Variants in FLCN observed in about 807,000 individuals in gnomAD.
FLCN encodes folliculin, also known as BHD skin lesion fibrofolliculoma protein.
Under a neutral mutation model 62.5 loss-of-function variants are expected in FLCN, and 22 were observed. The ratio of observed to expected loss-of-function variants is 0.35; its 90% CI spans 0.25 to 0.50. FLCN has a LOEUF of 0.50. Among genes scored for constraint, FLCN ranks in the 20% least tolerant of loss-of-function variants. FLCN has a pLI of 0.97. For missense variants in FLCN, 657 were observed against 778.0 expected (o/e 0.84, Z 1.85); for synonymous variants, 319 against 310.0 (o/e 1.03, Z -0.30).
rs1377506039 is a variant in FLCN, at chr17:17,236,892, C to T, written c.-228+20G>A. The T allele has an allele frequency of 6.6e-6, 1 of 152,252 alleles. No homozygotes were observed. The highest frequency in any genetic ancestry group is 6.5e-5 in the Admixed American group (1 of 15,284). The allele number at this position is 152,252 out of a possible 1,614,324, so 9.4% of individuals were successfully genotyped here. ...AAACTCGGACATGCCCCTCCGCCAA[C>T]CCCTCAGACCCCCGCCTACCTGCTC... On this transcript the variant is annotated intron_variant, in intron 1 of 13. Transcript: ENST00000285071.
At chr17:17,235,592 G>A (rs774376526) in intron 1 of FLCN, 1 of 152,258 alleles carries the variant, frequency 6.6e-6, no homozygotes, top group Non-Finnish European at 1.5e-5. Context: ...TAGCTTTGCG[G>A]TCACCGGAGC....
intron 4 of FLCN, 98 bp downstream of exon 4, chr17:17,227,791 G>A: frequency 6.5e-7 from 1 of 1,548,088 alleles, no homozygotes; most frequent in Non-Finnish European, 8.9e-7. Context: ...GAAGCAGTCT[G>A]TGTCACCCCG....
Position 17,226,294 on chromosome 17 carries a change from G to C in FLCN, c.278C>G (p.Pro93Arg). The change falls in exon 5 of 14, where the codon CCG (proline) becomes CGG (arginine). Residue 93 changes from proline to arginine, a missense_variant. By Grantham distance (103) the Pro-to-Arg change is moderately radical. Coordinates refer to ENST00000285071, the MANE Select transcript of FLCN (RefSeq NM_144997.7). ...CTCTTTATCATGGCTGATATATCCCGGGTGCCCTGCAGCAAGTGACCGGCA... is the reference window on the plus strand; with the variant it reads ...CTCTTTATCATGGCTGATATATCCCCGGTGCCCTGCAGCAAGTGACCGGCA... The part of the protein sequence containing the change: ...EGCRSLAAGH[P>R]GYISHDKETS... 6.2e-7 allele frequency: 1 copy of C among 1,614,158 alleles called. No homozygotes were observed. The highest frequency in any genetic ancestry group is 8.5e-7 in the Non-Finnish European group (1 of 1,180,040).
intron 1 of FLCN, among the ~76,000 whole-genome samples, chr17:17,236,642 G>A (rs531266101): frequency 1.2e-4 from 19 of 152,264 alleles, no homozygotes; most frequent in African/African-American, 4.3e-4. Flanking sequence ...GGGAGAAGAG[G>A]ATGACACACA....
Position 17,235,072 on chromosome 17 carries a change from T to C in FLCN, c.-228+1840A>G, listed in dbSNP as rs573119859. ...GCTTGCAGTGAGCTGATCGCACCAC[T>C]GCACTCCAGCCTGGGCCACAGAGCA... On this transcript the variant is annotated intron_variant, in intron 1 of 13. Coordinates refer to ENST00000285071, the MANE Select transcript of FLCN (RefSeq NM_144997.7). Among the ~76,000 whole-genome samples the C allele has an allele frequency of 4.3e-5, 6 of 138,436 alleles. No homozygotes were observed. The Admixed American group carries it at 4.8e-4, about 11-fold the overall frequency. 90.8% of individuals were successfully genotyped at this position (138,436 alleles called of 152,430 possible). A position where few individuals can be genotyped will look rare whatever the true frequency, so the allele number is the denominator to read the frequency against.
intron 13 of FLCN, 40 bp downstream of exon 13, chr17:17,214,933 AGGTTTTCTCCAG>A: frequency 6.3e-7 from 1 of 1,578,628 alleles, no homozygotes; most frequent in Non-Finnish European, 8.7e-7. Context: ...AAACAGCTCC[AGGTTTTCTCCAG>A]GGTCGCAAGC....
rs1597574133 is a variant in FLCN, at chr17:17,213,781, G to A, written c.1614C>T (p.Ile538=). The change falls in exon 14 of 14, where the codon ATC becomes ATT. Residue 538 remains isoleucine, a synonymous_variant. Transcript: ENST00000285071. ...CATTGTCCTCCTCGGACGCACCCAG[G>A]ATGCTCAGCAGCTTCTGTGTGTCCT... ...PKEDTQKLLS[I]LGASEEDNVK... 4.3e-6 allele frequency: 7 copies of A among 1,614,246 alleles called. No homozygotes were observed. Among genetic ancestry groups the A allele is most frequent in the Non-Finnish European group, 5.9e-6 (7 of 1,180,050 alleles).
At position 17,216,887 on chromosome 17, in the gene FLCN, T is replaced by A; in HGVS notation, c.1176+182A>T. The A allele has an allele frequency of 1.5e-6, 1 of 663,814 alleles. No individual in the cohort carries two copies. The highest frequency in any genetic ancestry group is 2.7e-6 in the Non-Finnish European group (1 of 365,748). The allele number at this position is 663,814 out of a possible 1,614,324, so 41.1% of individuals were successfully genotyped here. ...CAGTCAGCAGGCACACGCATCCTTC[T>A]GATGATTTAAACATCATCAGACCAG... On this transcript the variant is annotated intron_variant, in intron 10 of 13. Coordinates refer to ENST00000285071, the MANE Select transcript of FLCN (RefSeq NM_144997.7). The surrounding 1 kb of genome is among the most constrained non-coding windows in gnomAD (Gnocchi z 4.0).
chr17:17,224,286 G>A, intron 5 of FLCN, 143 bp from the exon 6 acceptor site: 1 of 756,720 alleles, frequency 1.3e-6, no homozygotes, highest in Non-Finnish European at 2.3e-6. Context: ...GGGGCCATGA[G>A]AGCCGAAGAC....
chr17:17,223,470 T>A (rs921279705), intron 6 of FLCN, among the ~76,000 whole-genome samples: 1 of 152,230 alleles, frequency 6.6e-6, no homozygotes, highest in South Asian at 2.1e-4. Context: ...TCTCCTGCAA[T>A]GCACACACCA....
intron 13 of FLCN, 83 bp downstream of exon 13, chr17:17,214,902 A>G (rs908758897): frequency 4.9e-6 from 7 of 1,442,144 alleles, no homozygotes; most frequent in Non-Finnish European, 6.8e-6. Flanking sequence ...CTCAGTGGCC[A>G]CGGCCCAGCT....
intron 1 of FLCN, among the ~76,000 whole-genome samples, chr17:17,235,109 CAA>C (rs34695824): frequency 9.6e-4 from 68 of 70,592 alleles, no homozygotes; most frequent in Middle Eastern, 0.01. Flanking sequence ...GACTCCATTT[CAA>C]AAAAAAAAAA....
At chr17:17,228,535 GGTCCT>G in intron 3 of FLCN, 6 of 278,194 alleles carry the variant, frequency 2.2e-5, no homozygotes, top group South Asian at 8.4e-5. Flanking sequence ...ACAGGGAGAG[GGTCCT>G]CCACCCAATA....
intron 3 of FLCN, 109 bp from the exon 4 acceptor site, chr17:17,228,270 C>T: frequency 7.3e-7 from 1 of 1,367,536 alleles, no homozygotes; most frequent in Non-Finnish European, 9.8e-7. Flanking sequence ...ACTTCCTGCC[C>T]AGGAGAGGCC....
At position 17,226,325 on chromosome 17, in the gene FLCN, G is replaced by C. The variant is rs2145014986; in HGVS notation, c.250-3C>G. ...CCTGCAGCAAGTGACCGGCAGCCCTGTCCATGAAAAGGAAAAGTAAATCTG... is the reference window on the plus strand; with the variant it reads ...CCTGCAGCAAGTGACCGGCAGCCCTCTCCATGAAAAGGAAAAGTAAATCTG... On this transcript the variant is annotated splice_polypyrimidine_tract_variant and splice_region_variant and intron_variant, in intron 4 of 13. Transcript: ENST00000285071. The C allele has an allele frequency of 1.2e-6, 2 of 1,614,194 alleles. No individual in the cohort carries two copies. The highest frequency in any genetic ancestry group is 1.7e-6 in the Non-Finnish European group (2 of 1,180,042).
intron 3 of FLCN, chr17:17,228,841 T>C (rs1276192215): frequency 2.6e-5 from 4 of 152,766 alleles, no homozygotes; most frequent in East Asian, 1.9e-4. Flanking sequence ...GCAGATCTTA[T>C]AGCTCCTCCA....
intron 5 of FLCN, 122 bp from the exon 6 acceptor site, chr17:17,224,265 G>C: frequency 1.2e-6 from 1 of 866,428 alleles, no homozygotes; most frequent in Non-Finnish European, 1.9e-6. Flanking sequence ...AACGGGGAGA[G>C]TGGCACAGTG....
At position 17,216,211 on chromosome 17, in the gene FLCN, C is replaced by T. The variant is rs1275537541; in HGVS notation, c.1300+169G>A. ...CTTCCCATCAGGTCCACTCACCCACCGCTACCTGTGTGAAGATAGAACACG... is the reference window on the plus strand; with the variant it reads ...CTTCCCATCAGGTCCACTCACCCACTGCTACCTGTGTGAAGATAGAACACG... On this transcript the variant is annotated intron_variant, in intron 11 of 13. Transcript: ENST00000285071. This position sits in a 1 kb window ranked among gnomAD's most constrained non-coding sequence, Gnocchi z 4.0. Among the ~76,000 whole-genome samples the T allele has an allele frequency of 3.9e-5, 6 of 152,206 alleles. No homozygotes were observed. The highest frequency in any genetic ancestry group is 5.9e-5 in the Non-Finnish European group (4 of 68,038).
At position 17,216,890 on chromosome 17, in the gene FLCN, T is replaced by C. The variant is rs7208065; in HGVS notation, c.1176+179A>G. On this transcript the variant is annotated intron_variant, in intron 10 of 13. Transcript: ENST00000285071. The surrounding 1 kb of genome is among the most constrained non-coding windows in gnomAD (Gnocchi z 4.0). ...TCAGCAGGCACACGCATCCTTCTGA[T>C]GATTTAAACATCATCAGACCAGACC... The C allele has an allele frequency of 0.54, 356,731 of 662,790 alleles. 98,391 individuals carry two copies. The highest frequency in any genetic ancestry group is 0.65 in the East Asian group (23,863 of 36,612). 41.1% of individuals were successfully genotyped at this position (662,790 alleles called of 1,614,324 possible).
Sources: gnomAD v4.1 joint callset for allele counts (sites outside exome capture counted in the v4.1 genomes callset) on GRCh38, gnomAD v4.1.1 for gene constraint, Gnocchi (gnomAD v3.1) non-coding constraint, MANE v1.5 for transcripts, NCBI Gene and HGNC (gene_info 2026-07-23, HGNC 2026-07-21) for gene names.